SERPINB11: variants seen among roughly 807,000 people sequenced by gnomAD.
The protein encoded by SERPINB11 is serpin B11.
SERPINB11 carries 32 observed loss-of-function variants against 36.7 expected under a neutral mutation model. The observed-to-expected ratio is 0.87, with a 90% confidence interval of 0.66 to 1.17. SERPINB11 has a LOEUF of 1.17. SERPINB11 is among the 50% of genes most tolerant of loss of function. The pLI is 0.00. For missense variants in SERPINB11, 528 were observed against 458.4 expected, an observed-to-expected ratio of 1.15 and a Z score of -1.39; for synonymous variants, 174 against 168.1, an observed-to-expected ratio of 1.04 and a Z score of -0.27.
chr18:63,723,003 G>A lies in SERPINB11; in HGVS notation c.783G>A (p.Lys261=), dbSNP rs1476867675. ...TGTGTTTTGTCTCTTAGATAGAAAA[G>A]CAGCTGAATTCGGGGACGTTTCATG... is the stretch of plus-strand genomic sequence containing the variant. ...VGIANLKQIE[K]QLNSGTFHEW... is the part of the protein sequence containing the mutation. Residue 261 remains lysine, a synonymous_variant, in exon 8 of 8, where the codon AAG becomes AAA. Transcript: ENST00000544088. 6 of 1,568,844 alleles carry A rather than the reference G, an allele frequency of 3.8e-6. No individual in the cohort carries two copies. Among genetic ancestry groups the A allele is most frequent in the East Asian group, 2.2e-5 (1 of 44,616 alleles).
chr18:63,717,383 G>A (rs1468870724), intron 5 of SERPINB11, among the ~76,000 whole-genome samples: 1 of 151,944 alleles, frequency 6.6e-6, no homozygotes, highest in Non-Finnish European at 1.5e-5. Flanking sequence ...CTTTTATTGG[G>A]TGTATACCTT....
In SERPINB11 at chr18:63,709,924, T is replaced by C. The variant is rs1310701099; in HGVS notation, c.-15-255T>C. 2.6e-5 allele frequency among the ~76,000 whole-genome samples: 4 copies of C among 152,218 alleles called. No homozygotes were observed. In the East Asian group the frequency reaches 7.7e-4, roughly 29 times the overall value. On this transcript the variant is annotated intron_variant, in intron 1 of 7. Transcript: ENST00000544088. ...AACTATTATAGATTATTTAAAAATATACACAAATGATAGTAAGATAGATTT... is the reference window on the plus strand; with the variant it reads ...AACTATTATAGATTATTTAAAAATACACACAAATGATAGTAAGATAGATTT...
intron 4 of SERPINB11, among the ~76,000 whole-genome samples, chr18:63,714,840 C>A (rs565852624): frequency 6.6e-6 from 1 of 152,190 alleles, no homozygotes; most frequent in Non-Finnish European, 1.5e-5. Flanking sequence ...ACATCCTCAG[C>A]TTACGAAGAT....
chr18:63,720,773 TAC>T, intron 6 of SERPINB11, 56 bp from the exon 7 acceptor site: 2 of 1,289,936 alleles, frequency 1.6e-6, no homozygotes, highest in Non-Finnish European at 1.1e-6. Flanking sequence ...AGGTAATCAG[TAC>T]ACACACATGT....
intron 2 of SERPINB11, 91 bp from the exon 3 acceptor site, chr18:63,711,244 T>G: frequency 2.2e-6 from 2 of 904,558 alleles, no homozygotes; most frequent in Non-Finnish European, 3.6e-6. Flanking sequence ...GATCTTGATC[T>G]AAAATAGAAA....
intron 7 of SERPINB11, among the ~76,000 whole-genome samples, chr18:63,722,612 C>T (rs1231613542): frequency 6.6e-6 from 1 of 152,060 alleles, no homozygotes; most frequent in Admixed American, 6.5e-5. Context: ...GAATCACGCT[C>T]ATAAAGGAGG....
At chr18:63,702,436 C>T (rs943771942), upstream of SERPINB11, 4 of 151,878 alleles carry the variant, frequency 2.6e-5, no homozygotes, top group Non-Finnish European at 4.4e-5. Flanking sequence ...ACTAAAAATA[C>T]AAAAATTAGC....
At chr18:63,711,976 G>C (rs886583047) in intron 3 of SERPINB11, among the ~76,000 whole-genome samples, 5 of 152,118 alleles carry the variant, frequency 3.3e-5, no homozygotes, top group Admixed American at 6.5e-5. Flanking sequence ...AAAGTTCAAA[G>C]TCCATAGTTT....
At chr18:63,702,889 C>T (rs1914274164), upstream of SERPINB11, 1 of 151,684 alleles carries the variant, frequency 6.6e-6, no homozygotes, top group African/African-American at 2.4e-5. Flanking sequence ...AGCTGAATCA[C>T]TAAGGGCACA....
chr18:63,708,614 A>C (rs931067266), intron 1 of SERPINB11, among the ~76,000 whole-genome samples: 3 of 152,164 alleles, frequency 2.0e-5, no homozygotes, highest in Non-Finnish European at 4.4e-5. Context: ...GGCTGGAGAG[A>C]GGGGTTAGAA....
intron 3 of SERPINB11, among the ~76,000 whole-genome samples, chr18:63,712,112 G>T (rs769125777): frequency 6.6e-6 from 1 of 151,784 alleles, no homozygotes; most frequent in African/African-American, 2.4e-5. Context: ...CCACTGAGAA[G>T]CAAATTAGTG....
In SERPINB11 at chr18:63,709,650, A is replaced by AAAATAAAATAAAAT. The variant is rs1568183583; in HGVS notation, c.-15-529_-15-528insAAATAAAATAAAAT. Among the ~76,000 whole-genome samples the AAAATAAAATAAAAT allele has an allele frequency of 1.0e-3, 85 of 81,152 alleles. 1 individual carries two copies. Among genetic ancestry groups the AAAATAAAATAAAAT allele is most frequent in the African/African-American group, 4.5e-3 (82 of 18,082 alleles). The allele number at this position is 81,152 out of a possible 152,430, so 53.2% of individuals were successfully genotyped here. ...TAAAATAAAATAAAATAAAATAAAA[A>AAAATAAAATAAAAT]GTAAAATAAAAATAAAAAATGTGCT... On this transcript the variant is annotated intron_variant, in intron 1 of 7. Coordinates refer to ENST00000544088, the MANE Select transcript of SERPINB11 (RefSeq NM_001370475.1).
At chr18:63,708,514 C>T (rs1608202) in intron 1 of SERPINB11, among the ~76,000 whole-genome samples, 4,544 of 152,012 alleles carry the variant, frequency 0.03, 234 homozygotes, top group African/African-American at 0.1. Context: ...CGAGAAAGTA[C>T]TTAAGGATGA....
intron 4 of SERPINB11, among the ~76,000 whole-genome samples, chr18:63,712,978 A>G (rs1428603231): frequency 6.6e-6 from 1 of 152,234 alleles, no homozygotes; most frequent in African/African-American, 2.4e-5. Context: ...GGACCAGAAG[A>G]AAAACAAAAT....
Position 63,710,345 on chromosome 18 carries a change from A to C in SERPINB11, c.152A>C (p.Glu51Ala), listed in dbSNP as rs1395268. ...MVLLGARGET[E>A]EQLEKVLHFS... ...CTCCTTGGTGCCAGGGGAGAGACTG[A>C]AGAGCAATTGGAGAAGGTATGGAAT... Residue 51 changes from glutamate to alanine, a missense_variant, in exon 2 of 8, where the codon GAA becomes GCA. Physicochemically the swap from Glu to Ala is moderately radical, Grantham distance 107. Transcript: ENST00000544088. The C allele has an allele frequency of 0.83, 1,341,817 of 1,611,812 alleles. 559,213 individuals are homozygous for C. Among genetic ancestry groups the C allele is most frequent in the East Asian group, 0.9 (40,375 of 44,810 alleles).
Position 63,720,101 on chromosome 18 carries a change from G to C in SERPINB11, c.564G>C (p.Trp188Cys). The C allele has an allele frequency of 1.2e-6, 2 of 1,609,298 alleles. No individual in the cohort carries two copies. The highest frequency in any genetic ancestry group is 1.7e-6 in the Non-Finnish European group (2 of 1,176,418). Residue 188 changes from tryptophan (W) to cysteine (C), a missense_variant, in exon 6 of 8, where the codon TGG becomes TGC. Physicochemically the swap from Trp to Cys is radical, Grantham distance 215. Coordinates refer to ENST00000544088, the MANE Select transcript of SERPINB11 (RefSeq NM_001370475.1). ...ATGCCATATATTTCAAAGGACAATG[G>C]CAAAATAAATTTCAAGTAAGAGAGA... is the stretch of plus-strand genomic sequence containing the variant. ...LVNAIYFKGQ[W>C]QNKFQVRETV...
At chr18:63,703,850 A>G (rs1914302324) in intron 1 of SERPINB11, among the ~76,000 whole-genome samples, 1 of 152,246 alleles carries the variant, frequency 6.6e-6, no homozygotes, top group African/African-American at 2.4e-5. Context: ...CGTATCCCAA[A>G]TAGAGTTGTC....
intron 1 of SERPINB11, among the ~76,000 whole-genome samples, chr18:63,707,705 C>G (rs986542368): frequency 6.6e-6 from 1 of 152,222 alleles, no homozygotes; most frequent in African/African-American, 2.4e-5. Flanking sequence ...GCATATCACA[C>G]AGTACTTATT....
intron 7 of SERPINB11, among the ~76,000 whole-genome samples, chr18:63,721,894 A>G (rs138861443): frequency 0.01 from 1,591 of 152,318 alleles, 18 homozygotes; most frequent in Non-Finnish European, 0.012. Flanking sequence ...TCAGGTCCCT[A>G]AGGGCCTGTG....
Sources: allele counts gnomAD v4.1 joint callset (sites outside exome capture counted in the v4.1 genomes callset), GRCh38; gene constraint gnomAD v4.1.1; transcripts MANE v1.5; gene names NCBI Gene and HGNC (gene_info 2026-07-23, HGNC 2026-07-21).